Variants in CTDSPL observed in about 807,000 individuals in gnomAD.
CTDSPL encodes the protein CTD small phosphatase like.
In CTDSPL, 8 loss-of-function variants were observed where a neutral mutation model predicts 30.5. The observed-to-expected ratio is 0.26, with a 90% CI of 0.15 to 0.47. The LOEUF is 0.47. CTDSPL is among the 20% of genes least tolerant of loss of function. The pLI, the probability that CTDSPL is intolerant of heterozygous loss-of-function variation, is 0.99. For synonymous variants in CTDSPL, 110 were observed against 137.9 expected (o/e 0.80, Z 1.42); for missense variants, 248 against 366.1 (o/e 0.68, Z 2.63).
chr3:37,930,680 T>C (rs1161014927), intron 1 of CTDSPL, among the ~76,000 whole-genome samples: 1 of 152,218 alleles, frequency 6.6e-6, no homozygotes, highest in East Asian at 1.9e-4. Flanking sequence ...GGAGAGTATT[T>C]TGCATATTTG....
At chr3:37,971,596 G>A (rs1357187731) in intron 6 of CTDSPL, 97 bp downstream of exon 6, 1 of 1,121,670 alleles carries the variant, frequency 8.9e-7, no homozygotes, top group African/African-American at 1.5e-5. Flanking sequence ...TTTTGGTGGG[G>A]GAAGCCATTT....
Position 37,964,652 on chromosome 3 carries a change from T to G in CTDSPL, c.349T>G (p.Leu117Val). ...TGTGGTCATTGATTTAGATGAAACA[T>G]TGGTGCACAGTTCGTTTAAGGTAAA... ...KCVVIDLDETLVHSSFKPISN... is the reference protein window; with the variant it reads ...KCVVIDLDETVVHSSFKPISN... The change falls in exon 4 of 8, where the codon TTG (leucine) becomes GTG (valine). Residue 117 changes from leucine (L) to valine (V), a missense_variant. Around this residue, in one of 4 missense-constraint regions of CTDSPL, gnomAD observed 45 missense variants for 83.1 expected, o/e 0.54. Coordinates refer to ENST00000273179, the MANE Select transcript of CTDSPL (RefSeq NM_001008392.2). The G allele has an allele frequency of 6.2e-7, 1 of 1,613,318 alleles. No homozygotes were observed. Among genetic ancestry groups the G allele is most frequent in the Non-Finnish European group, 8.5e-7 (1 of 1,179,374 alleles).
intron 1 of CTDSPL, among the ~76,000 whole-genome samples, chr3:37,907,045 C>A (rs571427735): frequency 7.9e-4 from 121 of 152,306 alleles, no homozygotes; most frequent in African/African-American, 2.9e-3. Context: ...GGACATTACC[C>A]CTGCTCCTGT....
At position 37,874,453 on chromosome 3, in the gene CTDSPL, G is replaced by A. The variant is rs562402697; in HGVS notation, c.79+12175G>A. On this transcript the variant is annotated intron_variant, in intron 1 of 7. Transcript: ENST00000273179. ...TAGATTTAAATACAGACACAAGGCC[G>A]GGCGCGGTGGCTCAATGCCTGTAAT... Among the ~76,000 whole-genome samples the A allele has an allele frequency of 2.6e-5, 4 of 152,272 alleles. No homozygotes were observed. The East Asian group carries it at 5.8e-4, about 22-fold the overall frequency.
At chr3:37,912,567 C>T (rs1005633308) in intron 1 of CTDSPL, among the ~76,000 whole-genome samples, 2 of 152,026 alleles carry the variant, frequency 1.3e-5, no homozygotes, top group African/African-American at 2.4e-5. Context: ...GGGGGGTATG[C>T]GGTACTGGGG....
chr3:37,928,655 G>C (rs1272130777), intron 1 of CTDSPL, among the ~76,000 whole-genome samples: 1 of 152,122 alleles, frequency 6.6e-6, no homozygotes, highest in Non-Finnish European at 1.5e-5. Context: ...GTTCTGCATT[G>C]TAAGGGTTCT....
intron 1 of CTDSPL, among the ~76,000 whole-genome samples, chr3:37,939,150 C>T (rs1011370413): frequency 1.3e-5 from 2 of 150,218 alleles, no homozygotes; most frequent in Non-Finnish European, 3.0e-5. Flanking sequence ...AAGCTAAATT[C>T]TCCATGTTCA....
At chr3:37,964,228 A>G (rs1013829514) in intron 3 of CTDSPL, among the ~76,000 whole-genome samples, 1 of 152,108 alleles carries the variant, frequency 6.6e-6, no homozygotes, top group African/African-American at 2.4e-5. Context: ...AGCCACCAAT[A>G]TATGTGTGAG....
At chr3:37,913,433 T>A (rs2125606941) in intron 1 of CTDSPL, among the ~76,000 whole-genome samples, 1 of 152,342 alleles carries the variant, frequency 6.6e-6, no homozygotes, top group South Asian at 2.1e-4. Context: ...ACCTCTATAT[T>A]CAGGCTGGCT....
chr3:37,895,703 T>C (rs1001975506), intron 1 of CTDSPL, among the ~76,000 whole-genome samples: 1 of 152,228 alleles, frequency 6.6e-6, no homozygotes, highest in Non-Finnish European at 1.5e-5. Flanking sequence ...TTTATAGTTT[T>C]CTCCAGGAGA....
In CTDSPL at chr3:37,957,158, C is replaced by G. The variant is rs1207531347; in HGVS notation, c.267+15C>G. On this transcript the variant is annotated intron_variant, in intron 3 of 7. Transcript: ENST00000273179. ...CCATACCAAGTGTATGTATATTTAT[C>G]TAATTTTATTTATTAAAACAGTCAT... 3 of 1,550,464 alleles carry G rather than the reference C, an allele frequency of 1.9e-6. No individual in the cohort carries two copies. The highest frequency in any genetic ancestry group is 2.6e-6 in the Non-Finnish European group (3 of 1,138,986).
chr3:37,907,950 T>G (rs1240579190), intron 1 of CTDSPL, among the ~76,000 whole-genome samples: 1 of 152,188 alleles, frequency 6.6e-6, no homozygotes, highest in Non-Finnish European at 1.5e-5. Context: ...ACATGGTAAA[T>G]GCGACCCTAT....
At chr3:37,922,746 C>T (rs1437838669) in intron 1 of CTDSPL, among the ~76,000 whole-genome samples, 2 of 152,186 alleles carry the variant, frequency 1.3e-5, no homozygotes, top group Non-Finnish European at 2.9e-5. Flanking sequence ...ATTCCAGGTT[C>T]CAAACAAGGG....
intron 1 of CTDSPL, among the ~76,000 whole-genome samples, chr3:37,908,796 T>C (rs1196051422): frequency 3.3e-5 from 5 of 152,236 alleles, no homozygotes; most frequent in African/African-American, 1.2e-4. Flanking sequence ...CTATAAGTTC[T>C]TAATTGCCAA....
chr3:37,967,962 C>A, intron 5 of CTDSPL, 80 bp downstream of exon 5: 2 of 947,808 alleles, frequency 2.1e-6, no homozygotes, highest in South Asian at 1.5e-5. Context: ...TTTCTAAATT[C>A]TCATTTCAGT....
At chr3:37,929,275 C>T (rs574129430) in intron 1 of CTDSPL, among the ~76,000 whole-genome samples, 49 of 152,058 alleles carry the variant, frequency 3.2e-4, no homozygotes, top group Non-Finnish European at 6.3e-4. Context: ...TTTTGTGGCT[C>T]CATATGAATT....
At chr3:37,915,323 A>AT (rs1044743699) in intron 1 of CTDSPL, among the ~76,000 whole-genome samples, 9 of 152,052 alleles carry the variant, frequency 5.9e-5, no homozygotes, top group Admixed American at 2.6e-4. Context: ...GGGTTTATCC[A>AT]TTTAAGATCT....
chr3:37,964,684 T>TAA lies in CTDSPL; in HGVS notation c.369+21_369+22dup. 2.7e-6 allele frequency: 4 copies of TAA among 1,467,500 alleles called. No homozygotes were observed. Among genetic ancestry groups the TAA allele is most frequent in the East Asian group, 2.4e-5 (1 of 41,104 alleles). 90.9% of individuals were successfully genotyped at this position (1,467,500 alleles called of 1,614,324 possible). On this transcript the variant is annotated intron_variant, in intron 4 of 7. Coordinates refer to ENST00000273179, the MANE Select transcript of CTDSPL (RefSeq NM_001008392.2). ...ACAGTTCGTTTAAGGTAAATCAACA[T>TAA]AAAAAAAAAATCCATGATCTTTGTG...
chr3:37,942,279 C>T (rs1698987308), intron 1 of CTDSPL, among the ~76,000 whole-genome samples: 1 of 150,490 alleles, frequency 6.6e-6, no homozygotes, highest in African/African-American at 2.4e-5. Flanking sequence ...AGCCTTTGAT[C>T]CAGCGTTCCT....
Sources: gnomAD v4.1 joint callset for allele counts (sites outside exome capture counted in the v4.1 genomes callset) on GRCh38, gnomAD v4.1.1 for gene constraint, gnomAD v4.1.1 regional missense constraint, MANE v1.5 for transcripts, NCBI Gene and HGNC (gene_info 2026-07-23, HGNC 2026-07-21) for gene names.